Variants in RALGAPA1 observed in about 807,000 individuals in gnomAD.
RALGAPA1 encodes Ral GTPase activating protein catalytic subunit alpha 1.
Under a neutral mutation model 269.6 loss-of-function variants are expected in RALGAPA1, and 52 were observed. The observed-to-expected ratio is 0.19, with a 90% CI of 0.15 to 0.24. The LOEUF (loss-of-function observed/expected upper bound fraction) is 0.24, where lower values mean the gene tolerates loss of function less well. Among genes scored for constraint, RALGAPA1 ranks in the 10% least tolerant of loss-of-function variants. The pLI is 1.00. For missense variants in RALGAPA1, 1,917 were observed against 3,013.9 expected, an observed-to-expected ratio of 0.64 and a Z score of 8.52; for synonymous variants, 817 against 1,008.3, an observed-to-expected ratio of 0.81 and a Z score of 3.60.
chr14:35,670,334 T>A (rs1163772411), intron 26 of RALGAPA1, among the ~76,000 whole-genome samples: 1 of 152,222 alleles, frequency 6.6e-6, no homozygotes, highest in Middle Eastern at 3.2e-3. Context: ...TATGTTTTTC[T>A]CACAAAAACT....
At chr14:35,765,985 A>C in intron 4 of RALGAPA1, 1 of 1,406,326 alleles carries the variant, frequency 7.1e-7, no homozygotes, top group Non-Finnish European at 1.0e-6. Flanking sequence ...CAATATAGAG[A>C]AAAGAGGAAG....
intron 27 of RALGAPA1, among the ~76,000 whole-genome samples, chr14:35,660,851 G>A (rs537104368): frequency 1.5e-4 from 23 of 152,246 alleles, no homozygotes; most frequent in African/African-American, 5.3e-4. Context: ...GATGCTATGT[G>A]AAATATGTGA....
intron 16 of RALGAPA1, among the ~76,000 whole-genome samples, chr14:35,719,585 C>A (rs1421398207): frequency 1.3e-5 from 2 of 152,128 alleles, no homozygotes; most frequent in South Asian, 2.1e-4. Context: ...AACATGTTAA[C>A]AATGATTACT....
intron 26 of RALGAPA1, among the ~76,000 whole-genome samples, chr14:35,668,990 C>T (rs1052938284): frequency 3.3e-5 from 5 of 152,100 alleles, no homozygotes; most frequent in African/African-American, 1.2e-4. Context: ...TCCTTGAACA[C>T]ATCTCACTCA....
chr14:35,711,997 A>G (rs1261494026), intron 16 of RALGAPA1, among the ~76,000 whole-genome samples: 6 of 152,206 alleles, frequency 3.9e-5, no homozygotes, highest in Admixed American at 6.5e-5. Flanking sequence ...CTATAATCCC[A>G]GCACTTTGGG....
chr14:35,706,262 T>C (rs1284629607), intron 16 of RALGAPA1, among the ~76,000 whole-genome samples: 1 of 152,262 alleles, frequency 6.6e-6, no homozygotes, highest in African/African-American at 2.4e-5. Flanking sequence ...AGGTGTTTTA[T>C]ACTTTTGTAC....
In RALGAPA1 at chr14:35,750,491, C is replaced by T; in HGVS notation, c.1002G>A (p.Lys334=). The T allele has an allele frequency of 1.2e-6, 2 of 1,612,598 alleles. No homozygotes were observed. Among genetic ancestry groups the T allele is most frequent in the Non-Finnish European group, 1.7e-6 (2 of 1,179,124 alleles). The change falls in exon 9 of 42, where the codon AAG becomes AAA. Residue 334 remains lysine (K), a synonymous_variant. Transcript: ENST00000680220. ...IPGMEGEVLP[K]NIQRAAASLV... is the part of the protein sequence containing the mutation. ...CTCATTTGTGCATTACCTGAATATT[C>T]TTTGGCAAGACTTCACCTTCCATCC... is the stretch of plus-strand genomic sequence containing the variant.
chr14:35,557,314 A>C (rs10143221), intron 39 of RALGAPA1, among the ~76,000 whole-genome samples: 51,425 of 150,236 alleles, frequency 0.34, 12,235 homozygotes, highest in African/African-American at 0.67. Context: ...AAAAAAAAAA[A>C]CCCAAATAAG....
chr14:35,781,128 C>T (rs1434030663), intron 1 of RALGAPA1, among the ~76,000 whole-genome samples: 2 of 152,046 alleles, frequency 1.3e-5, no homozygotes, highest in East Asian at 3.9e-4. Context: ...ACTGTCCAAA[C>T]TGAAAAAGAC....
At chr14:35,698,915 C>T (rs543212133) in intron 17 of RALGAPA1, among the ~76,000 whole-genome samples, 60 of 152,218 alleles carry the variant, frequency 3.9e-4, no homozygotes, top group African/African-American at 1.4e-3. Flanking sequence ...TCATACGTAA[C>T]AAAATTGTGT....
chr14:35,733,249 G>A (rs977098946), intron 12 of RALGAPA1, among the ~76,000 whole-genome samples: 12 of 152,068 alleles, frequency 7.9e-5, no homozygotes, highest in Admixed American at 1.3e-4. Context: ...AGGCTGAGGC[G>A]GGCGGATCAC....
At chr14:35,619,097 G>T (rs2060440289) in intron 35 of RALGAPA1, among the ~76,000 whole-genome samples, 1 of 151,970 alleles carries the variant, frequency 6.6e-6, no homozygotes. Flanking sequence ...TGAGGAAGAA[G>T]ACTTGGCCTA....
At chr14:35,548,657 C>T in intron 40 of RALGAPA1, 119 bp from the exon 41 acceptor site, 1 of 607,890 alleles carries the variant, frequency 1.6e-6, no homozygotes, top group Non-Finnish European at 2.8e-6. Context: ...AATGCAGTAC[C>T]CTCTTACACT....
chr14:35,723,107 C>T lies in RALGAPA1; in HGVS notation c.2024G>A (p.Arg675Lys), dbSNP rs1473867077. ...TMETLTKVLA[R>K]NLYSLDLSDL... ...ACTGAGATCCAAACTATATAAATTC[C>T]TAGCTAAAACTTTAGTTAATGTCTC... Residue 675 changes from arginine to lysine, a missense_variant, in exon 15 of 42, where the codon AGG becomes AAG. Arg to Lys is a conservative substitution (Grantham distance 26, BLOSUM62 2). Around this residue, in one of 11 missense-constraint regions of RALGAPA1, gnomAD observed 40 missense variants for 112.6 expected, o/e 0.36. Coordinates refer to ENST00000680220, the MANE Select transcript of RALGAPA1 (RefSeq NM_001346249.2). 3.1e-6 allele frequency: 5 copies of T among 1,608,032 alleles called. No individual in the cohort carries two copies. Among genetic ancestry groups the T allele is most frequent in the Non-Finnish European group, 4.3e-6 (5 of 1,174,724 alleles).
In RALGAPA1 at chr14:35,683,529, TTAA is replaced by T. The variant is rs879611234; in HGVS notation, c.4471+277_4471+279del. The stretch of plus-strand genomic sequence containing the variant: ...TACATATACATCTATTATGTTCCCA[TTAA>T]AATTTTTTTTTAATCCTGCAGAAAA... On this transcript the variant is annotated intron_variant, in intron 21 of 41. Coordinates refer to ENST00000680220, the MANE Select transcript of RALGAPA1 (RefSeq NM_001346249.2). 6.2e-3 allele frequency: 1,514 copies of T among 244,906 alleles called. 7 individuals are homozygous for T. Among genetic ancestry groups the T allele is most frequent in the Non-Finnish European group, 0.01 (1,272 of 127,118 alleles). 15.2% of individuals were successfully genotyped at this position (244,906 alleles called of 1,614,324 possible).
intron 39 of RALGAPA1, among the ~76,000 whole-genome samples, chr14:35,561,644 G>GCAC (rs2056270703): frequency 6.6e-6 from 1 of 151,332 alleles, no homozygotes; most frequent in Non-Finnish European, 1.5e-5. Flanking sequence ...GAGTAGCTGG[G>GCAC]ATTACAGGCG....
intron 35 of RALGAPA1, among the ~76,000 whole-genome samples, chr14:35,622,158 T>C (rs2060673640): frequency 6.6e-6 from 1 of 152,152 alleles, no homozygotes. Context: ...CTGTGGCACA[T>C]ATACACCACG....
intron 37 of RALGAPA1, among the ~76,000 whole-genome samples, chr14:35,576,431 T>C (rs1297864766): frequency 6.6e-6 from 1 of 152,212 alleles, no homozygotes; most frequent in African/African-American, 2.4e-5. Flanking sequence ...CTTATGAAGG[T>C]CTATTGTTAG....
chr14:35,641,015 C>G (rs2061992012), intron 31 of RALGAPA1, among the ~76,000 whole-genome samples: 1 of 152,124 alleles, frequency 6.6e-6, no homozygotes, highest in African/African-American at 2.4e-5. Context: ...GAAAAAGCAT[C>G]TGATGAAATT....
Sources: gnomAD v4.1 joint callset for allele counts (sites outside exome capture counted in the v4.1 genomes callset) on GRCh38, gnomAD v4.1.1 for gene constraint, gnomAD v4.1.1 regional missense constraint, MANE v1.5 for transcripts, NCBI Gene and HGNC (gene_info 2026-07-23, HGNC 2026-07-21) for gene names.